SLC26A8: variants seen among roughly 807,000 people sequenced by gnomAD.
SLC26A8 encodes the protein solute carrier family 26 member 8, also known as testis anion transporter 1.
Under a neutral mutation model 105.0 loss-of-function variants are expected in SLC26A8, and 70 were observed. The observed-to-expected ratio is 0.67, with a 90% CI of 0.55 to 0.81. SLC26A8 has a LOEUF of 0.81. Ranked by LOEUF, SLC26A8 falls within the 40% of genes least tolerant of loss-of-function variation. The pLI, the probability that SLC26A8 is intolerant of heterozygous loss-of-function variation, is 0.00. For synonymous variants in SLC26A8, 415 were observed against 438.3 expected (o/e 0.95, Z 0.66); for missense variants, 998 against 1,181.8 (o/e 0.84, Z 2.28).
At chr6:35,988,152 C>T (rs1365299538) in intron 7 of SLC26A8, among the ~76,000 whole-genome samples, 1 of 151,966 alleles carries the variant, frequency 6.6e-6, no homozygotes, top group Non-Finnish European at 1.5e-5. Context: ...CTCAGGTGGT[C>T]GGCCCACCTC....
intron 1 of SLC26A8, among the ~76,000 whole-genome samples, chr6:36,023,546 CAAAAAAA>C (rs59633591): frequency 1.4e-4 from 9 of 63,520 alleles, no homozygotes; most frequent in Non-Finnish European, 2.6e-4. Context: ...GACTCTGTCT[CAAAAAAA>C]AAAAAAAAAA....
At chr6:35,949,153 C>T (rs1451785519) in intron 19 of SLC26A8, among the ~76,000 whole-genome samples, 3 of 152,018 alleles carry the variant, frequency 2.0e-5, no homozygotes, top group African/African-American at 7.2e-5. Flanking sequence ...AAAGATTAAG[C>T]CTGAGTGCAG....
chr6:36,015,305 G>A (rs1318359601), intron 2 of SLC26A8, among the ~76,000 whole-genome samples: 3 of 152,074 alleles, frequency 2.0e-5, no homozygotes, highest in African/African-American at 4.8e-5. Context: ...TAGAGACGGG[G>A]TTTCACCATG....
chr6:35,953,687 C>A (rs183961068), intron 17 of SLC26A8, among the ~76,000 whole-genome samples: 71 of 152,236 alleles, frequency 4.7e-4, no homozygotes, highest in Admixed American at 4.6e-3. Flanking sequence ...ATAAAAGGAT[C>A]TCATGGATGG....
At chr6:36,023,162 T>TACCCATCC (rs1554169379) in intron 1 of SLC26A8, among the ~76,000 whole-genome samples, 6 of 142,976 alleles carry the variant, frequency 4.2e-5, no homozygotes, top group African/African-American at 1.3e-4. Flanking sequence ...ATAGTACCCT[T>TACCCATCC]ATCCATCCAT....
At chr6:35,969,327 C>T (rs1227921977) in intron 10 of SLC26A8, 2 of 215,508 alleles carry the variant, frequency 9.3e-6, no homozygotes, top group Non-Finnish European at 1.9e-5. Context: ...TGGCCGGGTG[C>T]GGTGGCTCAC....
intron 16 of SLC26A8, among the ~76,000 whole-genome samples, chr6:35,958,740 G>T (rs1772194278): frequency 6.6e-6 from 1 of 152,130 alleles, no homozygotes; most frequent in Non-Finnish European, 1.5e-5. Context: ...TTGCGGGGGA[G>T]GATGTAAATC....
chr6:35,960,389 G>A (rs1015993174), intron 14 of SLC26A8: 6 of 167,418 alleles, frequency 3.6e-5, no homozygotes, highest in Non-Finnish European at 7.7e-5. Flanking sequence ...GGTGTGTTGA[G>A]TCATGCCTGT....
intron 2 of SLC26A8, among the ~76,000 whole-genome samples, chr6:36,016,168 A>G (rs1189093760): frequency 6.6e-6 from 1 of 151,600 alleles, no homozygotes; most frequent in Non-Finnish European, 1.5e-5. Context: ...TAATTTTTGT[A>G]TTTTTAGTGG....
intron 4 of SLC26A8, among the ~76,000 whole-genome samples, chr6:35,999,734 G>T (rs1761465888): frequency 6.6e-6 from 1 of 152,140 alleles, no homozygotes; most frequent in Non-Finnish European, 1.5e-5. Flanking sequence ...TCCAATGTGT[G>T]ATGATTTCTT....
In SLC26A8 at chr6:36,000,746, T is replaced by C. The variant is rs367704270; in HGVS notation, c.329-638A>G. On this transcript the variant is annotated intron_variant, in intron 3 of 19. Coordinates refer to ENST00000490799, the MANE Select transcript of SLC26A8 (RefSeq NM_052961.4). ...GTCCTCAATTTACATCATACTGATA[T>C]ACTCATCTAAATTCAGTTATGAATT... Among the ~76,000 whole-genome samples the C allele has an allele frequency of 1.1e-4, 17 of 152,370 alleles. No homozygotes were observed. In the East Asian group the frequency reaches 2.5e-3, roughly 22 times the overall value.
At chr6:35,951,558 T>A in intron 17 of SLC26A8, 59 bp from the exon 18 acceptor site, 1 of 1,574,582 alleles carries the variant, frequency 6.4e-7, no homozygotes, top group Non-Finnish European at 8.7e-7. Context: ...AAAGGCCTTC[T>A]AATTAGCTAA....
At chr6:35,993,807 C>T (rs1409867541) in intron 5 of SLC26A8, among the ~76,000 whole-genome samples, 1 of 152,082 alleles carries the variant, frequency 6.6e-6, no homozygotes, top group African/African-American at 2.4e-5. Context: ...GGGAGGGTCG[C>T]TTGAGCTCAG....
chr6:35,988,836 A>G (rs987342578), intron 7 of SLC26A8, among the ~76,000 whole-genome samples: 8 of 143,670 alleles, frequency 5.6e-5, no homozygotes, highest in South Asian at 2.2e-4. Flanking sequence ...ATACAGTTCT[A>G]TACGGTTTTT....
intron 5 of SLC26A8, among the ~76,000 whole-genome samples, chr6:35,993,095 C>A (rs532832498): frequency 1.7e-4 from 25 of 148,856 alleles, no homozygotes; most frequent in African/African-American, 5.9e-4. Context: ...AACTCCTGGG[C>A]ACAAGGGATT....
At position 35,976,550 on chromosome 6, in the gene SLC26A8, C is replaced by CTTTTTTTTTTTTTTTT. The variant is rs371327114; in HGVS notation, c.1173+638_1173+653dup. Among the ~76,000 whole-genome samples the CTTTTTTTTTTTTTTTT allele has an allele frequency of 2.3e-5, 3 of 130,144 alleles. 1 individual carries two copies. The highest frequency in any genetic ancestry group is 3.2e-5 in the Non-Finnish European group (2 of 61,744). 85.4% of individuals were successfully genotyped at this position (130,144 alleles called of 152,430 possible). ...AACTGTATGGTATTAGAAGCCCTCG[C>CTTTTTTTTTTTTTTTT]TTTTTTTTTTTTTTTTTTGAGATGG... On this transcript the variant is annotated intron_variant, in intron 9 of 19. Transcript: ENST00000490799.
chr6:35,954,303 G>C (rs901893589), intron 17 of SLC26A8, among the ~76,000 whole-genome samples: 6 of 152,184 alleles, frequency 3.9e-5, no homozygotes, highest in Admixed American at 2.0e-4. Context: ...GTGTCAGTGA[G>C]GAAGGAAGTG....
At chr6:35,968,049 C>A (rs1463727232) in intron 11 of SLC26A8, among the ~76,000 whole-genome samples, 1 of 151,856 alleles carries the variant, frequency 6.6e-6, no homozygotes, top group African/African-American at 2.4e-5. Flanking sequence ...GGTTTTGCCA[C>A]GTTGGCCCGG....
chr6:35,978,931 T>A (rs1773156593), intron 8 of SLC26A8, among the ~76,000 whole-genome samples: 1 of 148,838 alleles, frequency 6.7e-6, no homozygotes, highest in South Asian at 2.2e-4. Flanking sequence ...TGCAGCCTCA[T>A]CCTTCCTCAA....
Sources: gnomAD v4.1 joint callset for allele counts (sites outside exome capture counted in the v4.1 genomes callset) on GRCh38, gnomAD v4.1.1 for gene constraint, MANE v1.5 for transcripts, NCBI Gene and HGNC (gene_info 2026-07-23, HGNC 2026-07-21) for gene names.